The following CNGB1 variants were observed in gnomAD, a reference collection of about 807,000 sequenced individuals.
The protein encoded by CNGB1 is cyclic nucleotide gated channel subunit beta 1.
In CNGB1, 126 loss-of-function variants were observed where a neutral mutation model predicts 151.7. The observed-to-expected ratio is 0.83, with a 90% CI of 0.72 to 0.96. The LOEUF (loss-of-function observed/expected upper bound fraction) is 0.96. Ranked by LOEUF, CNGB1 falls within the 40% of genes least tolerant of loss-of-function variation. The pLI, the probability that CNGB1 is intolerant of heterozygous loss-of-function variation, is 0.00. For missense variants in CNGB1, 1,698 were observed against 1,627.0 expected, an observed-to-expected ratio of 1.04 and a Z score of -0.75; for synonymous variants, 623 against 635.1, an observed-to-expected ratio of 0.98 and a Z score of 0.29.
At chr16:57,888,291 C>G (rs898169267) in intron 31 of CNGB1, among the ~76,000 whole-genome samples, 7 of 152,156 alleles carry the variant, frequency 4.6e-5, no homozygotes, top group Non-Finnish European at 1.0e-4. Flanking sequence ...GTCTTACTGT[C>G]TGTTGTACCT....
intron 12 of CNGB1, 39 bp downstream of exon 12, chr16:57,957,302 C>T: frequency 6.2e-7 from 1 of 1,601,384 alleles, no homozygotes; most frequent in Middle Eastern, 1.7e-4. Flanking sequence ...AGCAACCCTT[C>T]CTAATATGTA....
Position 57,950,390 on chromosome 16 carries a change from T to C in CNGB1, c.1025A>G (p.Lys342Arg). The change falls in exon 13 of 33, where the codon AAG (lysine) becomes AGG (arginine). Residue 342 changes from lysine (K) to arginine (R), a missense_variant. Coordinates refer to ENST00000251102, the MANE Select transcript of CNGB1 (RefSeq NM_001297.5). The part of the protein sequence containing the change: ...AYEEENKAVE[K>R]MPRELSRIEE... Reference sequence around the variant, plus strand: ...TTCTCAGACTCCCCACCTGGGCATCTTCTCCACAGCTTTGTTCTCTTCTTC... The same window carrying C: ...TTCTCAGACTCCCCACCTGGGCATCCTCTCCACAGCTTTGTTCTCTTCTTC... 6.2e-7 allele frequency: 1 copy of C among 1,614,236 alleles called. No homozygotes were observed. The highest frequency in any genetic ancestry group is 8.5e-7 in the Non-Finnish European group (1 of 1,180,044).
At position 57,903,908 on chromosome 16, in the gene CNGB1, T is replaced by C; in HGVS notation, c.2708A>G (p.Tyr903Cys). 1 of 1,614,192 alleles carries C rather than the reference T, an allele frequency of 6.2e-7. No homozygotes were observed. The highest frequency in any genetic ancestry group is 8.5e-7 in the Non-Finnish European group (1 of 1,180,030). Residue 903 changes from tyrosine to cysteine, a missense_variant, in exon 27 of 33, where the codon TAC becomes TGC. Tyr to Cys is a radical substitution (Grantham distance 194). Transcript: ENST00000251102. ...CTTGGGGATCTTGTAGAAATTCATG[T>C]ACTTCACCGTGCTGTCCATGCAGCT... is the stretch of plus-strand genomic sequence containing the variant. Reference protein sequence around the residue: ...YRSCMDSTVKYMNFYKIPKSV... With the variant: ...YRSCMDSTVKCMNFYKIPKSV...
At chr16:57,930,420 GGAGGTT>G (rs1961312796) in intron 17 of CNGB1, among the ~76,000 whole-genome samples, 2 of 151,784 alleles carry the variant, frequency 1.3e-5, no homozygotes, top group African/African-American at 4.8e-5. Flanking sequence ...CTTGAGCCTA[GGAGGTT>G]GAGGCTGCAG....
chr16:57,924,594 T>C (rs1420192017), intron 17 of CNGB1, among the ~76,000 whole-genome samples: 1 of 152,230 alleles, frequency 6.6e-6, no homozygotes, highest in East Asian at 1.9e-4. Context: ...CACATCAGGA[T>C]GAGCATCAGA....
Position 57,958,426 on chromosome 16 carries a change from C to T in CNGB1, c.821G>A (p.Gly274Glu). ...EMALPQPVLH[G>E]KIGEQEPDSP... The stretch of plus-strand genomic sequence containing the variant: ...AGCACTGACCTGTTCCCCTATTTTC[C>T]CATGTAGCACTGGCTGCGGCAAGGC... The change falls in exon 11 of 33, where the codon GGG (glycine) becomes GAG (glutamate). Residue 274 changes from glycine (G) to glutamate (E), a missense_variant. Transcript: ENST00000251102. 6.3e-7 allele frequency: 1 copy of T among 1,587,066 alleles called. No individual in the cohort carries two copies. Among genetic ancestry groups the T allele is most frequent in the Non-Finnish European group, 8.5e-7 (1 of 1,171,172 alleles).
chr16:57,912,185 G>A (rs1363557648), intron 24 of CNGB1, among the ~76,000 whole-genome samples: 2 of 152,056 alleles, frequency 1.3e-5, no homozygotes, highest in African/African-American at 2.4e-5. Context: ...GGGCCATGTC[G>A]CCCCAGGAGA....
chr16:57,912,850 G>T, intron 24 of CNGB1, 80 bp downstream of exon 24: 1 of 1,379,500 alleles, frequency 7.2e-7, no homozygotes. Flanking sequence ...TGTCATCTGT[G>T]TTGTGTGTGT....
intron 22 of CNGB1, 121 bp from the exon 23 acceptor site, chr16:57,915,456 G>T (rs144750288): frequency 1.3e-6 from 1 of 790,862 alleles, no homozygotes; most frequent in Non-Finnish European, 2.2e-6. Flanking sequence ...CCCCAGTAGA[G>T]CTTAAAACTA....
Position 57,901,621 on chromosome 16 carries a change from C to G in CNGB1, c.2799G>C (p.Glu933Asp), listed in dbSNP as rs1389848573. 9.3e-6 allele frequency: 15 copies of G among 1,613,686 alleles called. No homozygotes were observed. Among genetic ancestry groups the G allele is most frequent in the Admixed American group, 3.3e-5 (2 of 59,986 alleles). The change falls in exon 28 of 33, where the codon GAG becomes GAC. Residue 933 changes from glutamate to aspartate, a missense_variant. Coordinates refer to ENST00000251102, the MANE Select transcript of CNGB1 (RefSeq NM_001297.5). ...CTGGAAGCTGCACCATCAGCTCTGA[C>G]TCATCTGTGAACAAGGCCTGGCAAG... The part of the protein sequence containing the change: ...YTWHSQGMLD[E>D]SELMVQLPDK...
intron 22 of CNGB1, among the ~76,000 whole-genome samples, chr16:57,915,866 C>G (rs1960851382): frequency 6.7e-6 from 1 of 149,536 alleles, no homozygotes; most frequent in Admixed American, 6.7e-5. Flanking sequence ...CCACTGAACT[C>G]CAGCCTGGGA....
rs773795292 is a variant in CNGB1 at position 57,882,465 on chromosome 16, C to T, written c.*1699G>A. The T allele has an allele frequency of 2.0e-5, 3 of 152,118 alleles. No individual in the cohort carries two copies. Among genetic ancestry groups the T allele is most frequent in the Non-Finnish European group, 4.4e-5 (3 of 68,034 alleles). The allele number at this position is 152,118 out of a possible 1,614,324, so 9.4% of individuals were successfully genotyped here. ...ACTCTGGGGTTTGGAAATGCTTAGA[C>T]CAGCCTGGGGACTCCCACATTCTTT... On this transcript the variant is annotated 3_prime_UTR_variant, in exon 33 of 33. Coordinates refer to ENST00000251102, the MANE Select transcript of CNGB1 (RefSeq NM_001297.5).
chr16:57,942,918 T>C (rs1348736044), intron 14 of CNGB1, among the ~76,000 whole-genome samples: 1 of 150,120 alleles, frequency 6.7e-6, no homozygotes. Flanking sequence ...ATGTAAAATC[T>C]GAAACTATAA....
intron 14 of CNGB1, among the ~76,000 whole-genome samples, chr16:57,947,042 G>C (rs1397824044): frequency 6.6e-6 from 1 of 152,216 alleles, no homozygotes; most frequent in East Asian, 1.9e-4. Flanking sequence ...GCCTGTGCTT[G>C]TGCATATATG....
In CNGB1 at chr16:57,962,882, A is replaced by T; in HGVS notation, c.382-10T>A. 1 of 1,611,642 alleles carries T rather than the reference A, an allele frequency of 6.2e-7. No individual in the cohort carries two copies. Reference sequence around the variant, plus strand: ...TGCCATGCCCCAGGATCTGCCAGGGACAGACAGACAGACATGGGCAGGGAG... The same window carrying T: ...TGCCATGCCCCAGGATCTGCCAGGGTCAGACAGACAGACATGGGCAGGGAG... On this transcript the variant is annotated splice_polypyrimidine_tract_variant and intron_variant, in intron 5 of 32. Transcript: ENST00000251102.
chr16:57,930,613 A>G (rs1961320712), intron 17 of CNGB1, among the ~76,000 whole-genome samples: 1 of 152,056 alleles, frequency 6.6e-6, no homozygotes, highest in Non-Finnish European at 1.5e-5. Context: ...AAAGAAAATA[A>G]AAGAACAAAG....
intron 21 of CNGB1, among the ~76,000 whole-genome samples, chr16:57,916,813 T>A (rs1291757461): frequency 7.9e-5 from 12 of 152,144 alleles, no homozygotes; most frequent in African/African-American, 2.4e-4. Context: ...GCAGGACCCC[T>A]GGGAGAAGTC....
At chr16:57,927,671 C>T (rs1961226679) in intron 17 of CNGB1, among the ~76,000 whole-genome samples, 1 of 152,212 alleles carries the variant, frequency 6.6e-6, no homozygotes, top group African/African-American at 2.4e-5. Context: ...ACAGGCCCAG[C>T]TCACAAGCAG....
chr16:57,950,492 T>G lies in CNGB1; in HGVS notation c.923A>C (p.Glu308Ala), dbSNP rs771033561. The G allele has an allele frequency of 6.2e-7, 1 of 1,614,206 alleles. No individual in the cohort carries two copies. Among genetic ancestry groups the G allele is most frequent in the Non-Finnish European group, 8.5e-7 (1 of 1,180,040 alleles). Residue 308 changes from glutamate to alanine, a missense_variant, in exon 13 of 33, where the codon GAG becomes GCG. Physicochemically the swap from Glu to Ala is moderately radical, Grantham distance 107 (BLOSUM62 -1). Transcript: ENST00000251102. ...GGCATCCTCCCAGGGCGGTTCAACCTCCTCTAGGACAAGGTCAGGCTCCAC... is the reference window on the plus strand; with the variant it reads ...GGCATCCTCCCAGGGCGGTTCAACCGCCTCTAGGACAAGGTCAGGCTCCAC... ...GQVEPDLVLE[E>A]VEPPWEDAHQ... is the part of the protein sequence containing the mutation.
Sources: gnomAD v4.1 joint callset for allele counts (sites outside exome capture counted in the v4.1 genomes callset) on GRCh38, gnomAD v4.1.1 for gene constraint, MANE v1.5 for transcripts, NCBI Gene and HGNC (gene_info 2026-07-23, HGNC 2026-07-21) for gene names.